The following AVEN variants were observed in gnomAD, a reference collection of about 807,000 sequenced individuals.
The protein encoded by AVEN is cell death regulator Aven.
AVEN carries 41 observed loss-of-function variants against 38.1 expected under a neutral mutation model. The ratio of observed to expected loss-of-function variants is 1.08; its 90% confidence interval spans 0.84 to 1.40. The LOEUF (loss-of-function observed/expected upper bound fraction) is 1.40. AVEN is among the 40% of genes most tolerant of loss of function. The pLI is 0.00. For synonymous variants in AVEN, 206 were observed against 171.8 expected, an observed-to-expected ratio of 1.20 and a Z score of -1.56; for missense variants, 605 against 438.8, an observed-to-expected ratio of 1.38 and a Z score of -3.38.
At chr15:33,861,153 C>G (rs1255556653) in intron 11 of AVEN, 5 of 1,593,852 alleles carry the variant, frequency 3.1e-6, no homozygotes, top group Non-Finnish European at 4.3e-6. Context: ...ACATACATTA[C>G]AAGAGCACAA....
chr15:34,072,794 G>A, intron 1 of AVEN, among the ~76,000 whole-genome samples: 1 of 149,762 alleles, frequency 6.7e-6, no homozygotes, highest in Non-Finnish European at 1.5e-5. Context: ...TGAGATTACA[G>A]TACACCACCA....
intron 1 of AVEN, among the ~76,000 whole-genome samples, chr15:34,035,482 G>A (rs917649761): frequency 2.4e-4 from 36 of 152,076 alleles, no homozygotes; most frequent in African/African-American, 7.7e-4. Context: ...AGCAGCAGTC[G>A]AAAGAACAGG....
chr15:33,976,354 T>G (rs1225582627), intron 2 of AVEN, among the ~76,000 whole-genome samples: 1 of 152,234 alleles, frequency 6.6e-6, no homozygotes, highest in African/African-American at 2.4e-5. Context: ...AAGTGAGTAA[T>G]GTCGCTTTTT....
intron 1 of AVEN, among the ~76,000 whole-genome samples, chr15:34,073,983 C>CTTTTT (rs1567498505): frequency 9.6e-5 from 2 of 20,816 alleles, no homozygotes; most frequent in African/African-American, 2.4e-4. Flanking sequence ...CTTTTTTCTT[C>CTTTTT]TTCTTCTTTT....
intron 2 of AVEN, among the ~76,000 whole-genome samples, chr15:33,878,652 T>G (rs558192431): frequency 1.3e-5 from 2 of 152,254 alleles, no homozygotes; most frequent in East Asian, 3.9e-4. Context: ...ACTCAAAAGA[T>G]GACAGGCTGA....
At chr15:33,887,285 G>A (rs1891743833) in intron 2 of AVEN, among the ~76,000 whole-genome samples, 1 of 152,128 alleles carries the variant, frequency 6.6e-6, no homozygotes, top group Admixed American at 6.5e-5. Context: ...TTCTAGGGGA[G>A]GGATTGTGCT....
intron 11 of AVEN, chr15:33,859,496 A>G (rs2080107457): frequency 6.5e-7 from 1 of 1,531,108 alleles, no homozygotes; most frequent in African/African-American, 1.4e-5. Context: ...ATCTGACCGA[A>G]TCATATGAAT....
chr15:34,053,239 G>T (rs1287049615), intron 5 of AVEN, among the ~76,000 whole-genome samples: 1 of 142,580 alleles, frequency 7.0e-6, no homozygotes, highest in African/African-American at 2.6e-5. Context: ...GGCAGAGGTT[G>T]CAGTGAGCCA....
At chr15:34,017,915 T>C (rs1898015385) in intron 1 of AVEN, among the ~76,000 whole-genome samples, 1 of 152,218 alleles carries the variant, frequency 6.6e-6, no homozygotes, top group Non-Finnish European at 1.5e-5. Flanking sequence ...CTGAAAATAA[T>C]GTCATAGTGC....
chr15:33,882,778 T>G (rs923174210), intron 2 of AVEN, among the ~76,000 whole-genome samples: 6 of 151,800 alleles, frequency 4.0e-5, no homozygotes, highest in Admixed American at 6.6e-5. Flanking sequence ...GAGGCTGAGG[T>G]GGGAGATTGC....
chr15:33,862,578 G>A (rs1002319667), downstream of AVEN, among the ~76,000 whole-genome samples: 3 of 152,126 alleles, frequency 2.0e-5, no homozygotes, highest in Non-Finnish European at 4.4e-5. Context: ...AAGATAACAT[G>A]TTTTTGCTGG....
chr15:34,064,125 A>C (rs770570610), intron 4 of AVEN: 1 of 1,614,152 alleles, frequency 6.2e-7, no homozygotes, highest in Non-Finnish European at 8.5e-7. Flanking sequence ...CTTCTGTGAC[A>C]AGTGTGTCCC....
chr15:33,955,117 G>A (rs1009439067), intron 2 of AVEN, among the ~76,000 whole-genome samples: 2 of 152,126 alleles, frequency 1.3e-5, no homozygotes, highest in African/African-American at 4.8e-5. Context: ...TTTTTAAAAT[G>A]TAATCTATAA....
chr15:33,993,705 C>G (rs550657168), intron 2 of AVEN, among the ~76,000 whole-genome samples: 2 of 152,224 alleles, frequency 1.3e-5, no homozygotes, highest in Non-Finnish European at 2.9e-5. Context: ...ACTGCCAACA[C>G]CACACCTGCT....
chr15:33,853,056 A>G, the AVEN span: 1 of 1,606,992 alleles, frequency 6.2e-7, no homozygotes, highest in South Asian at 1.1e-5. Flanking sequence ...TCTTTTCCTA[A>G]TAACTACTGG....
At chr15:33,860,355 GAGTTTCA>G (rs1416509498) in intron 11 of AVEN, among the ~76,000 whole-genome samples, 1 of 152,188 alleles carries the variant, frequency 6.6e-6, no homozygotes, top group African/African-American at 2.4e-5. Flanking sequence ...AGAAAGGAAA[GAGTTTCA>G]GGGAGGAGCA....
Position 33,941,241 on chromosome 15 carries a change from T to G in AVEN, c.445+61791A>C, listed in dbSNP as rs544272293. On this transcript the variant is annotated intron_variant, in intron 2 of 5. Transcript: ENST00000306730. ...GAACTCACTTTGGAAGGTACTTGAG[T>G]AAAATCTTTTGCTGAAAATTTGTTA... Among the ~76,000 whole-genome samples the G allele has an allele frequency of 3.3e-5, 5 of 152,356 alleles. No homozygotes were observed. In the South Asian group the frequency reaches 1.0e-3, roughly 32 times the overall value.
At chr15:34,023,519 G>C (rs1460807292) in intron 1 of AVEN, among the ~76,000 whole-genome samples, 1 of 152,094 alleles carries the variant, frequency 6.6e-6, no homozygotes, top group African/African-American at 2.4e-5. Context: ...GAGAAAGCCT[G>C]GTCATTCATT....
intron 5 of AVEN, among the ~76,000 whole-genome samples, chr15:34,045,379 G>C (rs954371479): frequency 1.3e-5 from 2 of 152,134 alleles, no homozygotes; most frequent in Non-Finnish European, 2.9e-5. Flanking sequence ...CAGTCAAAAG[G>C]AGTTAGATAT....
Sources: allele counts gnomAD v4.1 joint callset (sites outside exome capture counted in the v4.1 genomes callset), GRCh38; gene constraint gnomAD v4.1.1; transcripts MANE v1.5; gene names NCBI Gene and HGNC (gene_info 2026-07-23, HGNC 2026-07-21).